Variants in UTP4 observed in about 807,000 individuals in gnomAD.
The protein encoded by UTP4 is U3 small nucleolar RNA-associated protein 4 homolog.
UTP4 carries 45 observed loss-of-function variants against 82.4 expected under a neutral mutation model. The observed-to-expected ratio is 0.55, with a 90% confidence interval of 0.43 to 0.70. UTP4 has a LOEUF of 0.70. UTP4 is among the 30% of genes least tolerant of loss of function. The probability of loss-of-function intolerance (pLI) is 0.00; values close to 1 mark genes in which losing one functional copy is unlikely to be tolerated. For missense variants in UTP4, 819 were observed against 858.3 expected, an observed-to-expected ratio of 0.95 and a Z score of 0.57; for synonymous variants, 348 against 300.3, an observed-to-expected ratio of 1.16 and a Z score of -1.64.
chr16:69,150,455 C>G, intron 6 of UTP4, 82 bp from the exon 7 acceptor site: 1 of 1,493,194 alleles, frequency 6.7e-7, no homozygotes, highest in Non-Finnish European at 9.3e-7. Context: ...CCCTAAGCTG[C>G]TGAGACAGAA....
intron 13 of UTP4, 136 bp downstream of exon 13, chr16:69,160,598 CTTTTTT>C: frequency 6.9e-6 from 4 of 576,222 alleles, no homozygotes; most frequent in East Asian, 3.1e-5. Flanking sequence ...CTTTTCTTTT[CTTTTTT>C]TTTTTTTTTT....
chr16:69,135,205 C>T (rs1252714826), intron 2 of UTP4, among the ~76,000 whole-genome samples: 1 of 152,138 alleles, frequency 6.6e-6, no homozygotes, highest in Non-Finnish European at 1.5e-5. Context: ...CAAGCGCCTC[C>T]TACAAAGCCA....
Position 69,137,951 on chromosome 16 carries a change from G to C in UTP4, c.436+66G>C. On this transcript the variant is annotated intron_variant, in intron 4 of 16. Transcript: ENST00000314423. The stretch of plus-strand genomic sequence containing the variant: ...AGAAATTAAGTTTCTGTGCCACTGG[G>C]GATGGGATATTTTCCCATGAATCCA... 4.1e-6 allele frequency: 4 copies of C among 970,136 alleles called. No homozygotes were observed. In the Admixed American group the frequency reaches 6.8e-5, roughly 17 times the overall value. 60.1% of individuals were successfully genotyped at this position (970,136 alleles called of 1,614,324 possible).
intron 12 of UTP4, 122 bp downstream of exon 12, chr16:69,157,362 A>C: frequency 1.0e-6 from 1 of 964,446 alleles, no homozygotes; most frequent in Non-Finnish European, 1.6e-6. Flanking sequence ...ACACTCACTC[A>C]CATGTTTGCT....
intron 6 of UTP4, among the ~76,000 whole-genome samples, chr16:69,146,719 G>A (rs1027933084): frequency 4.6e-5 from 7 of 150,994 alleles, no homozygotes; most frequent in African/African-American, 1.7e-4. Context: ...AAATTAAGCC[G>A]GGCGCGGTGG....
intron 6 of UTP4, among the ~76,000 whole-genome samples, chr16:69,147,976 C>T (rs1455321476): frequency 6.6e-6 from 1 of 151,756 alleles, no homozygotes; most frequent in Non-Finnish European, 1.5e-5. Flanking sequence ...TTTTTCGAGA[C>T]GGAATCTTGC....
chr16:69,145,621 T>C (rs1273365053), intron 6 of UTP4, among the ~76,000 whole-genome samples: 1 of 152,024 alleles, frequency 6.6e-6, no homozygotes, highest in East Asian at 1.9e-4. Flanking sequence ...GGGGGAGTGT[T>C]TGAGTTCCTA....
intron 10 of UTP4, among the ~76,000 whole-genome samples, chr16:69,155,147 G>A (rs1373314220): frequency 6.6e-6 from 1 of 151,908 alleles, no homozygotes; most frequent in Non-Finnish European, 1.5e-5. Context: ...ATTCTTTTTT[G>A]TTTGGTTAGT....
intron 6 of UTP4, among the ~76,000 whole-genome samples, chr16:69,147,335 C>G (rs1448823550): frequency 6.6e-6 from 1 of 151,080 alleles, no homozygotes; most frequent in Non-Finnish European, 1.5e-5. Context: ...GAAACTCTGT[C>G]TCTACTAAAA....
At chr16:69,141,127 C>T (rs1266229247) in intron 5 of UTP4, among the ~76,000 whole-genome samples, 1 of 152,176 alleles carries the variant, frequency 6.6e-6, no homozygotes, top group Non-Finnish European at 1.5e-5. Flanking sequence ...TTTTCTTTCT[C>T]CACTTTTATC....
intron 14 of UTP4, among the ~76,000 whole-genome samples, chr16:69,163,893 T>TG (rs1567382209): frequency 6.7e-6 from 1 of 149,022 alleles, no homozygotes; most frequent in African/African-American, 2.5e-5. Flanking sequence ...TGTTTTTTTT[T>TG]TTTTTTTTTT....
At chr16:69,155,847 C>G (rs781772146) in intron 10 of UTP4, 24 bp from the exon 11 acceptor site, 1 of 1,614,068 alleles carries the variant, frequency 6.2e-7, no homozygotes, top group Non-Finnish European at 8.5e-7. Context: ...ATTGCACATT[C>G]ATCTTGATTC....
intron 9 of UTP4, 22 bp downstream of exon 9, chr16:69,153,702 T>C: frequency 6.5e-7 from 1 of 1,527,278 alleles, no homozygotes; most frequent in Middle Eastern, 1.7e-4. Context: ...GCACGTTTTT[T>C]TCAATAAGAA....
chr16:69,154,460 A>G lies in UTP4; in HGVS notation c.1164+3A>G. ...ATTTACTGCACCTAAAGACAAAGGTAAGGAAGTTTGTTTAGGCTCTGAATT... is the reference window on the plus strand; with the variant it reads ...ATTTACTGCACCTAAAGACAAAGGTGAGGAAGTTTGTTTAGGCTCTGAATT... On this transcript the variant is annotated splice_donor_region_variant and intron_variant, in intron 10 of 16. Transcript: ENST00000314423. 1 of 1,607,128 alleles carries G rather than the reference A, an allele frequency of 6.2e-7. No homozygotes were observed. Among genetic ancestry groups the G allele is most frequent in the Non-Finnish European group, 8.5e-7 (1 of 1,173,716 alleles).
intron 14 of UTP4, among the ~76,000 whole-genome samples, chr16:69,163,435 T>C (rs1464120336): frequency 6.6e-6 from 1 of 152,130 alleles, no homozygotes; most frequent in Non-Finnish European, 1.5e-5. Flanking sequence ...AGGAGGAATT[T>C]TGAAGTACTC....
Position 69,160,335 on chromosome 16 carries a change from G to T in UTP4, c.1445-21G>T, listed in dbSNP as rs780842794. On this transcript the variant is annotated intron_variant, in intron 12 of 16. Coordinates refer to ENST00000314423, the MANE Select transcript of UTP4 (RefSeq NM_032830.3). ...GTGGACACTGTGTGAATTCAGAGATGTAACTGTTTTGTCCTCACAGGAACA... is the reference window on the plus strand; with the variant it reads ...GTGGACACTGTGTGAATTCAGAGATTTAACTGTTTTGTCCTCACAGGAACA... 8 of 1,588,582 alleles carry T rather than the reference G, an allele frequency of 5.0e-6. No homozygotes were observed. In the Admixed American group the frequency reaches 1.3e-4, roughly 26 times the overall value.
At chr16:69,136,101 A>G (rs901526750) in intron 2 of UTP4, among the ~76,000 whole-genome samples, 2 of 152,244 alleles carry the variant, frequency 1.3e-5, no homozygotes, top group Non-Finnish European at 2.9e-5. Flanking sequence ...GCCTCATGCA[A>G]TTGACTTTGG....
intron 8 of UTP4, among the ~76,000 whole-genome samples, chr16:69,151,262 C>T (rs1198788460): frequency 6.6e-6 from 1 of 152,098 alleles, no homozygotes; most frequent in Non-Finnish European, 1.5e-5. Context: ...CCGCCTCAGC[C>T]TCCCAAAGTG....
rs183222059 is a variant in UTP4 at position 69,154,214 on chromosome 16, T to G, written c.1100-179T>G. 2.1e-4 allele frequency among the ~76,000 whole-genome samples: 32 copies of G among 152,338 alleles called. No individual in the cohort carries two copies. In the East Asian group the frequency reaches 6.0e-3, roughly 28 times the overall value. ...TATCAGAGGATAGAAGCAAAAGAAG[T>G]ACTCACTGCTTTCTCTTCATATACC... On this transcript the variant is annotated intron_variant, in intron 9 of 16. Coordinates refer to ENST00000314423, the MANE Select transcript of UTP4 (RefSeq NM_032830.3).
Sources: gnomAD v4.1 joint callset for allele counts (sites outside exome capture counted in the v4.1 genomes callset) on GRCh38, gnomAD v4.1.1 for gene constraint, MANE v1.5 for transcripts, NCBI Gene and HGNC (gene_info 2026-07-23, HGNC 2026-07-21) for gene names.